TSC22D3: variants seen among roughly 807,000 people sequenced by gnomAD.
The protein encoded by TSC22D3 is TSC22 domain family member 3.
Under a neutral mutation model 11.1 loss-of-function variants are expected in TSC22D3, and 4 were observed. The ratio of observed to expected loss-of-function variants is 0.36; its 90% CI spans 0.18 to 0.83. The LOEUF (loss-of-function observed/expected upper bound fraction) is 0.83. Among genes scored for constraint, TSC22D3 ranks in the 40% least tolerant of loss-of-function variants. The pLI is 0.48. For missense variants in TSC22D3, 118 were observed against 159.4 expected (o/e 0.74, Z 1.40); for synonymous variants, 77 against 70.3 (o/e 1.10, Z -0.48).
rs376679117 is a variant in TSC22D3 at position 107,775,096 on chromosome X, C to T, written c.320+4G>A. The T allele has an allele frequency of 6.3e-5, 76 of 1,207,201 alleles. No homozygotes were observed. The highest frequency in any genetic ancestry group is 8.2e-5 in the Non-Finnish European group (73 of 893,453). ...GAGTTGCCGCCGTGTGCCGAGCCAC[C>T]CACCTGTGGAAGAAGAGCAGGATGG... On this transcript the variant is annotated splice_donor_region_variant and intron_variant, in intron 1 of 2. Coordinates refer to ENST00000372383, the MANE Select transcript of TSC22D3 (RefSeq NM_198057.3).
At chrX:107,748,831 G>A (rs1318972554) in intron 1 of TSC22D3, among the ~76,000 whole-genome samples, 1 of 112,230 alleles carries the variant, frequency 8.9e-6, no homozygotes, top group Non-Finnish European at 1.9e-5. Flanking sequence ...CAAATGCGAG[G>A]GATTATTATT....
chrX:107,747,480 C>T (rs1928725243), intron 1 of TSC22D3, among the ~76,000 whole-genome samples: 1 of 112,643 alleles, frequency 8.9e-6, no homozygotes, highest in Non-Finnish European at 1.9e-5. Context: ...ACCTAGCGAC[C>T]AGTGAGTTTT....
At chrX:107,743,979 G>A (rs1009500001) in intron 1 of TSC22D3, among the ~76,000 whole-genome samples, 5 of 112,285 alleles carry the variant, frequency 4.5e-5, no homozygotes, top group African/African-American at 1.3e-4. Context: ...GAAGTGGGTG[G>A]GTGGGAGTGC....
chrX:107,767,843 C>G lies in TSC22D3; in HGVS notation c.320+7257G>C, dbSNP rs185957848. Among the ~76,000 whole-genome samples the G allele has an allele frequency of 8.7e-4, 97 of 112,028 alleles. 1 individual carries two copies. Among genetic ancestry groups the G allele is most frequent in the Admixed American group, 1.5e-3 (16 of 10,662 alleles). ...TGTCCCATTATTGCAGACTTTGGGACAGCACAGTATGTTCTGGGCCATTAT... is the reference window on the plus strand; with the variant it reads ...TGTCCCATTATTGCAGACTTTGGGAGAGCACAGTATGTTCTGGGCCATTAT... On this transcript the variant is annotated intron_variant, in intron 1 of 2. Coordinates refer to ENST00000372383, the MANE Select transcript of TSC22D3 (RefSeq NM_198057.3).
intron 1 of TSC22D3, among the ~76,000 whole-genome samples, chrX:107,767,457 T>C (rs1303058802): frequency 9.0e-6 from 1 of 111,642 alleles, no homozygotes; most frequent in East Asian, 2.8e-4. Flanking sequence ...ATGCCTCTTA[T>C]ACAGTTTCCA....
Position 107,762,226 on chromosome X carries a change from C to T in TSC22D3, c.320+12874G>A, listed in dbSNP as rs954362922. On this transcript the variant is annotated intron_variant, in intron 1 of 2. Coordinates refer to ENST00000372383, the MANE Select transcript of TSC22D3 (RefSeq NM_198057.3). ...GGTGGGCGGCCTTACTCCAATGCCC[C>T]CTGCAGAGGAGTGTGCTCTAAAATT... is the stretch of plus-strand genomic sequence containing the variant. 1.7e-4 allele frequency among the ~76,000 whole-genome samples: 19 copies of T among 111,537 alleles called. No homozygotes were observed. In the East Asian group the frequency reaches 5.1e-3, roughly 30 times the overall value.
intron 1 of TSC22D3, among the ~76,000 whole-genome samples, chrX:107,718,066 A>C (rs1340937414): frequency 8.9e-6 from 1 of 112,225 alleles, no homozygotes; most frequent in Non-Finnish European, 1.9e-5. Flanking sequence ...ACAGCATTAG[A>C]GGTACTTCAG....
chrX:107,720,745 G>C (rs999723219), intron 1 of TSC22D3, among the ~76,000 whole-genome samples: 3 of 101,425 alleles, frequency 3.0e-5, no homozygotes, highest in Non-Finnish European at 6.0e-5. Context: ...CAAGGGCAGG[G>C]GAGATAAGGG....
At chrX:107,730,523 C>A (rs1442770109) in intron 1 of TSC22D3, among the ~76,000 whole-genome samples, 1 of 111,449 alleles carries the variant, frequency 9.0e-6, no homozygotes. Flanking sequence ...AGTAAGCCCC[C>A]CCGGAATGCC....
intron 1 of TSC22D3, among the ~76,000 whole-genome samples, chrX:107,769,918 A>G (rs1415261267): frequency 8.9e-6 from 1 of 112,246 alleles, no homozygotes; most frequent in Non-Finnish European, 1.9e-5. Flanking sequence ...TTGCAAATGC[A>G]TTTGTGCTTT....
intron 1 of TSC22D3, among the ~76,000 whole-genome samples, chrX:107,722,969 T>A (rs760420164): frequency 1.8e-5 from 2 of 111,445 alleles, no homozygotes; most frequent in Admixed American, 9.5e-5. Flanking sequence ...ATATTCTAGG[T>A]CTGTGGCCAA....
intron 1 of TSC22D3, among the ~76,000 whole-genome samples, chrX:107,769,850 AAC>A (rs1929826520): frequency 9.0e-6 from 1 of 111,153 alleles, no homozygotes; most frequent in Non-Finnish European, 1.9e-5. Context: ...CCTCAGCAAA[AAC>A]ACAGTTTCTT....
chrX:107,715,156 TC>T (rs1347157790), intron 2 of TSC22D3, among the ~76,000 whole-genome samples: 1 of 111,859 alleles, frequency 8.9e-6, no homozygotes, highest in Non-Finnish European at 1.9e-5. Context: ...CTGCAATGCA[TC>T]CCATACTGTT....
chrX:107,740,487 C>T (rs1662822375), intron 1 of TSC22D3, among the ~76,000 whole-genome samples: 1 of 111,329 alleles, frequency 9.0e-6, no homozygotes, highest in Admixed American at 9.5e-5. Flanking sequence ...GAGGCTGAGG[C>T]AGGAGAATCG....
intron 1 of TSC22D3, among the ~76,000 whole-genome samples, chrX:107,766,891 G>A (rs1473322677): frequency 9.1e-6 from 1 of 109,969 alleles, no homozygotes; most frequent in Non-Finnish European, 1.9e-5. Flanking sequence ...CAGTAACCTG[G>A]CTGTTACATA....
chrX:107,716,574 C>G, intron 1 of TSC22D3: 1 of 724,210 alleles, frequency 1.4e-6, no homozygotes, highest in Non-Finnish European at 1.7e-6. Context: ...TCCCAGGATG[C>G]TGCACCGCGG....
chrX:107,718,864 A>G (rs1168179492), intron 1 of TSC22D3, among the ~76,000 whole-genome samples: 1 of 111,573 alleles, frequency 9.0e-6, no homozygotes. Flanking sequence ...GCACTAAGAC[A>G]TGTGTAGTAG....
chrX:107,763,557 T>C (rs1356913670), intron 1 of TSC22D3, among the ~76,000 whole-genome samples: 4 of 111,477 alleles, frequency 3.6e-5, no homozygotes, highest in Non-Finnish European at 7.5e-5. Context: ...TATCTGATAT[T>C]TGCAGCCCAG....
At chrX:107,758,878 G>A (rs1279905558) in intron 1 of TSC22D3, among the ~76,000 whole-genome samples, 1 of 109,908 alleles carries the variant, frequency 9.1e-6, no homozygotes, top group African/African-American at 3.4e-5. Context: ...CATCATCCTT[G>A]ATTTTTTTTT....
Sources: allele counts gnomAD v4.1 joint callset (sites outside exome capture counted in the v4.1 genomes callset), GRCh38; gene constraint gnomAD v4.1.1; transcripts MANE v1.5; gene names NCBI Gene and HGNC (gene_info 2026-07-23, HGNC 2026-07-21).